Variants in CNTNAP2 observed in about 807,000 individuals in gnomAD.
CNTNAP2 encodes contactin-associated protein-like 2.
Under a neutral mutation model 155.2 loss-of-function variants are expected in CNTNAP2, and 98 were observed. That is an observed-to-expected ratio of 0.63 (90% confidence interval 0.54 to 0.75). CNTNAP2 has a LOEUF of 0.75. Ranked by LOEUF, CNTNAP2 falls within the 30% of genes least tolerant of loss-of-function variation. CNTNAP2 has a pLI of 0.00. For missense variants in CNTNAP2, 1,727 were observed against 1,688.1 expected, an observed-to-expected ratio of 1.02 and a Z score of -0.40; for synonymous variants, 651 against 631.2, an observed-to-expected ratio of 1.03 and a Z score of -0.47.
intron 1 of CNTNAP2, 145 bp downstream of exon 1, chr7:146,117,118 C>T: frequency 5.8e-6 from 4 of 692,984 alleles, no homozygotes; most frequent in South Asian, 3.3e-5. Flanking sequence ...GCAGCCACTG[C>T]AGTAGACAAA....
chr7:147,119,966 G>A (rs189927855), intron 5 of CNTNAP2, among the ~76,000 whole-genome samples: 1 of 152,294 alleles, frequency 6.6e-6, no homozygotes, highest in Admixed American at 6.5e-5. Context: ...ATCCAGGGAT[G>A]ACCTTAATAA....
At chr7:147,674,158 C>A (rs1162231139) in intron 13 of CNTNAP2, among the ~76,000 whole-genome samples, 4 of 152,022 alleles carry the variant, frequency 2.6e-5, no homozygotes, top group Non-Finnish European at 4.4e-5. Context: ...ATCTAACTAG[C>A]ATGCGATAGT....
intron 13 of CNTNAP2, among the ~76,000 whole-genome samples, chr7:147,696,569 G>A (rs1185300206): frequency 6.6e-6 from 1 of 152,026 alleles, no homozygotes; most frequent in East Asian, 1.9e-4. Context: ...AAAAGTTTTT[G>A]TTGTGTCTTC....
At chr7:146,199,581 T>C (rs1370080142) in intron 1 of CNTNAP2, among the ~76,000 whole-genome samples, 1 of 152,182 alleles carries the variant, frequency 6.6e-6, no homozygotes, top group Non-Finnish European at 1.5e-5. Context: ...GGAAGGAAAA[T>C]ATCCTGTTTT....
At chr7:146,948,059 A>G (rs937637291) in intron 3 of CNTNAP2, among the ~76,000 whole-genome samples, 44 of 152,260 alleles carry the variant, frequency 2.9e-4, no homozygotes, top group Admixed American at 2.5e-3. Flanking sequence ...ATTTTGTCAA[A>G]TGAGCAAAAG....
intron 1 of CNTNAP2, among the ~76,000 whole-genome samples, chr7:146,240,624 A>T (rs1799545557): frequency 6.6e-6 from 1 of 151,990 alleles, no homozygotes; most frequent in Non-Finnish European, 1.5e-5. Flanking sequence ...TCTCACAGTG[A>T]CCTTAGGAGG....
chr7:147,187,034 A>G lies in CNTNAP2; in HGVS notation c.1348+54525A>G, dbSNP rs146066199. Among the ~76,000 whole-genome samples the G allele has an allele frequency of 1.6e-3, 149 of 94,110 alleles. 10 individuals carry two copies. The highest frequency in any genetic ancestry group is 3.8e-3 in the African/African-American group (142 of 37,200). The allele number at this position is 94,110 out of a possible 152,430, so 61.7% of individuals were successfully genotyped here. A position where few individuals can be genotyped will look rare whatever the true frequency, so the allele number is the denominator to read the frequency against. On this transcript the variant is annotated intron_variant, in intron 8 of 23. Coordinates refer to ENST00000361727, the MANE Select transcript of CNTNAP2 (RefSeq NM_014141.6). ...TCTAACAAATGCTCAGGTGGAAATC[A>G]CTTTGAAAAGCAAAGCTTTAGGGCT...
chr7:147,883,252 CA>C (rs1344906966), intron 13 of CNTNAP2, among the ~76,000 whole-genome samples: 1 of 152,122 alleles, frequency 6.6e-6, no homozygotes, highest in Non-Finnish European at 1.5e-5. Context: ...CCTCCCAAAT[CA>C]ACCTGCACTA....
At chr7:146,811,730 C>T (rs1204635035) in intron 2 of CNTNAP2, among the ~76,000 whole-genome samples, 1 of 152,116 alleles carries the variant, frequency 6.6e-6, no homozygotes, top group Admixed American at 6.6e-5. Context: ...TTTCCATAAT[C>T]CTCATGTGTT....
chr7:146,362,204 G>A (rs1795091654), intron 1 of CNTNAP2, among the ~76,000 whole-genome samples: 1 of 152,088 alleles, frequency 6.6e-6, no homozygotes, highest in Non-Finnish European at 1.5e-5. Flanking sequence ...AAATAGTTTT[G>A]AGTGCCTATT....
intron 22 of CNTNAP2, among the ~76,000 whole-genome samples, chr7:148,400,349 C>T (rs1167507444): frequency 6.6e-6 from 1 of 152,162 alleles, no homozygotes; most frequent in East Asian, 1.9e-4. Flanking sequence ...TGGCACTTCC[C>T]GAATTTATAT....
chr7:147,917,571 C>G (rs969863382), intron 14 of CNTNAP2, among the ~76,000 whole-genome samples: 1 of 152,126 alleles, frequency 6.6e-6, no homozygotes, highest in East Asian at 1.9e-4. Context: ...CTTTACATAC[C>G]ACTTCCATTT....
chr7:146,463,645 A>C (rs1375457564), intron 1 of CNTNAP2, among the ~76,000 whole-genome samples: 1 of 152,124 alleles, frequency 6.6e-6, no homozygotes, highest in Non-Finnish European at 1.5e-5. Flanking sequence ...AATACGAGTA[A>C]TATATACACA....
At chr7:147,770,170 A>G (rs971931638) in intron 13 of CNTNAP2, among the ~76,000 whole-genome samples, 4 of 152,228 alleles carry the variant, frequency 2.6e-5, no homozygotes, top group Admixed American at 6.5e-5. Context: ...CTGCCACACC[A>G]AGGTAAACGT....
At chr7:147,448,000 T>A (rs1437609714) in intron 10 of CNTNAP2, among the ~76,000 whole-genome samples, 1 of 152,100 alleles carries the variant, frequency 6.6e-6, no homozygotes, top group Non-Finnish European at 1.5e-5. Flanking sequence ...CTCAATTGGT[T>A]CATGATCATG....
intron 13 of CNTNAP2, among the ~76,000 whole-genome samples, chr7:147,680,939 T>A (rs1181570282): frequency 2.0e-5 from 3 of 151,938 alleles, no homozygotes; most frequent in Non-Finnish European, 4.4e-5. Context: ...GTGCAATTAA[T>A]GCAAAATTAA....
chr7:146,464,858 C>T (rs1207400803), intron 1 of CNTNAP2, among the ~76,000 whole-genome samples: 3 of 152,102 alleles, frequency 2.0e-5, no homozygotes, highest in African/African-American at 2.4e-5. Flanking sequence ...TGTTTCACTG[C>T]ATCATTCTGG....
intron 17 of CNTNAP2, among the ~76,000 whole-genome samples, chr7:148,171,667 C>A (rs975214192): frequency 6.6e-6 from 1 of 152,142 alleles, no homozygotes; most frequent in Admixed American, 6.5e-5. Context: ...TGTGGTATAG[C>A]TGATTTCTGT....
At chr7:147,653,258 CTTT>C (rs1183165338) in intron 13 of CNTNAP2, among the ~76,000 whole-genome samples, 1 of 152,020 alleles carries the variant, frequency 6.6e-6, no homozygotes, top group Non-Finnish European at 1.5e-5. Context: ...TCTTCTTCTT[CTTT>C]TTTTGATCTT....
Sources: allele counts gnomAD v4.1 joint callset (sites outside exome capture counted in the v4.1 genomes callset), GRCh38; gene constraint gnomAD v4.1.1; transcripts MANE v1.5; gene names NCBI Gene and HGNC (gene_info 2026-07-23, HGNC 2026-07-21).